The following SH3TC1 variants were observed in gnomAD, a reference collection of about 807,000 sequenced individuals.
SH3TC1 encodes SH3 domain and tetratricopeptide repeats 1.
In SH3TC1, 135 loss-of-function variants were observed where a neutral mutation model predicts 117.3. That is an observed-to-expected ratio of 1.15 (90% CI 1.00 to 1.33). SH3TC1 has a LOEUF of 1.33. SH3TC1 is among the 40% of genes most tolerant of loss of function. SH3TC1 has a pLI of 0.00. For synonymous variants in SH3TC1, 898 were observed against 816.9 expected (o/e 1.10, Z -1.69); for missense variants, 2,092 against 1,794.3 (o/e 1.17, Z -3.00).
rs1272736212 is a variant in SH3TC1 at position 8,206,608 on chromosome 4, C to A, written c.172+1242C>A. ...GGCATCGCCTCTCCCTGGAGTGAAT[C>A]TCTGTGGACCGAGCGGAGGGGAGCT... On this transcript the variant is annotated intron_variant, in intron 2 of 17. Coordinates refer to ENST00000245105, the MANE Select transcript of SH3TC1 (RefSeq NM_018986.5). This position sits in a 1 kb window ranked among gnomAD's most constrained non-coding sequence, Gnocchi z 5.5. 6.6e-6 allele frequency among the ~76,000 whole-genome samples: 1 copy of A among 152,050 alleles called. No individual in the cohort carries two copies. Among genetic ancestry groups the A allele is most frequent in the South Asian group, 2.1e-4 (1 of 4,824 alleles).
At chr4:8,236,185 G>T in intron 15 of SH3TC1, 93 bp from the exon 16 acceptor site, 2 of 1,407,284 alleles carry the variant, frequency 1.4e-6, no homozygotes, top group South Asian at 1.4e-5. Context: ...TAGCTGGGGC[G>T]TGGGAAGCTC....
In SH3TC1 at chr4:8,222,888, C is replaced by G; in HGVS notation, c.1161C>G (p.Ser387Arg). Reference protein sequence around the residue: ...FLNEEEKSFFSEGCFSEEDAR... With the variant: ...FLNEEEKSFFREGCFSEEDAR... ...ATGAGGAAGAAAAGTCATTCTTCAGCGAGGGCTGCTTTTCTGAGGAGGATG... is the reference window on the plus strand; with the variant it reads ...ATGAGGAAGAAAAGTCATTCTTCAGGGAGGGCTGCTTTTCTGAGGAGGATG... Residue 387 changes from serine to arginine, a missense_variant, in exon 10 of 18, where the codon AGC becomes AGG. Ser to Arg is a moderately radical substitution (Grantham distance 110). Coordinates refer to ENST00000245105, the MANE Select transcript of SH3TC1 (RefSeq NM_018986.5). 6.2e-7 allele frequency: 1 copy of G among 1,613,732 alleles called. No homozygotes were observed. Among genetic ancestry groups the G allele is most frequent in the Non-Finnish European group, 8.5e-7 (1 of 1,179,900 alleles).
intron 4 of SH3TC1, 65 bp downstream of exon 4, chr4:8,212,893 G>C: frequency 6.7e-7 from 1 of 1,488,502 alleles, no homozygotes; most frequent in South Asian, 1.4e-5. Context: ...AGGGGCTGAG[G>C]TGCAGTGTCT....
intron 1 of SH3TC1, among the ~76,000 whole-genome samples, chr4:8,193,407 C>T (rs1436946964): frequency 1.3e-5 from 2 of 152,194 alleles, no homozygotes; most frequent in Non-Finnish European, 2.9e-5. Flanking sequence ...GTGGGAGCCA[C>T]TTCACTGCCT....
At chr4:8,198,142 C>T (rs1247927201), upstream of SH3TC1, among the ~76,000 whole-genome samples, 2 of 152,140 alleles carry the variant, frequency 1.3e-5, no homozygotes, top group African/African-American at 2.4e-5. Flanking sequence ...CCCCAAATGT[C>T]GGTAGTGCCT....
At position 8,212,822 on chromosome 4, in the gene SH3TC1, G is replaced by T. The variant is rs1352103254; in HGVS notation, c.369G>T (p.Val123=). The change falls in exon 4 of 18, where the codon GTG becomes GTT. Residue 123 remains valine, a synonymous_variant. Transcript: ENST00000245105. The part of the protein sequence containing the change: ...LENDSREMAR[V]LGELSARLLS... ...ATGATAGCCGGGAGATGGCCCGCGTGCTTGGGGTGAGTAGCCCTCTGGGGC... is the reference window on the plus strand; with the variant it reads ...ATGATAGCCGGGAGATGGCCCGCGTTCTTGGGGTGAGTAGCCCTCTGGGGC... 3 of 1,580,430 alleles carry T rather than the reference G, an allele frequency of 1.9e-6. No individual in the cohort carries two copies. The highest frequency in any genetic ancestry group is 2.3e-5 in the East Asian group (1 of 43,610).
chr4:8,211,280 C>G (rs1718668634), intron 3 of SH3TC1, among the ~76,000 whole-genome samples: 1 of 51,270 alleles, frequency 2.0e-5, no homozygotes, highest in African/African-American at 8.3e-5. Flanking sequence ...CCCCCTCCCT[C>G]CTTCTCCCCC....
chr4:8,216,004 C>T (rs1038602605), intron 5 of SH3TC1, 107 bp from the exon 6 acceptor site: 2 of 1,381,482 alleles, frequency 1.4e-6, no homozygotes, highest in Admixed American at 2.2e-5. Flanking sequence ...CCATGGTCTC[C>T]CTGGACCTGG....
intron 17 of SH3TC1, among the ~76,000 whole-genome samples, chr4:8,239,205 A>G (rs1722091438): frequency 6.6e-6 from 1 of 152,170 alleles, no homozygotes; most frequent in Non-Finnish European, 1.5e-5. Flanking sequence ...TGCTGCACGC[A>G]CTACAGGCAC....
chr4:8,195,408 C>T (rs1463970956), upstream of SH3TC1, among the ~76,000 whole-genome samples: 3 of 152,186 alleles, frequency 2.0e-5, no homozygotes, highest in Non-Finnish European at 4.4e-5. Flanking sequence ...TCTGCAGCCT[C>T]CAGTTGGGCG....
At chr4:8,195,442 A>G (rs1272646809), upstream of SH3TC1, among the ~76,000 whole-genome samples, 2 of 152,160 alleles carry the variant, frequency 1.3e-5, no homozygotes, top group East Asian at 3.9e-4. Context: ...CCCAGCCCTG[A>G]AGGCTCAGGC....
intron 2 of SH3TC1, among the ~76,000 whole-genome samples, chr4:8,208,653 C>A (rs890830609): frequency 2.0e-5 from 3 of 152,222 alleles, no homozygotes; most frequent in African/African-American, 7.2e-5. Flanking sequence ...GCGCCCGGCC[C>A]ATTTGAGACA....
intron 15 of SH3TC1, 136 bp from the exon 16 acceptor site, chr4:8,236,142 C>A: frequency 8.7e-7 from 1 of 1,155,026 alleles, no homozygotes; most frequent in Non-Finnish European, 1.2e-6. Context: ...CGCCCTTTAT[C>A]TCAGAGCACA....
chr4:8,221,631 A>T (rs930424141), intron 9 of SH3TC1, among the ~76,000 whole-genome samples: 5 of 152,208 alleles, frequency 3.3e-5, no homozygotes, highest in Non-Finnish European at 5.9e-5. Context: ...GTAAGTTGCA[A>T]ACATGATGTT....
rs1196545397 is a variant in SH3TC1, at chr4:8,186,548, C to T, written c.-57+4338C>T. The stretch of plus-strand genomic sequence containing the variant: ...TTACGCAGGTGTGAGATGGTCATCA[C>T]GGGGGAGGCTGATGGGAGTTTATGC... On this transcript the variant is annotated intron_variant, in intron 1 of 16. Coordinates refer to the SH3TC1 transcript ENST00000508641. This position sits in a 1 kb window ranked among gnomAD's most constrained non-coding sequence, Gnocchi z 5.2. 3.9e-5 allele frequency among the ~76,000 whole-genome samples: 6 copies of T among 152,266 alleles called. No individual in the cohort carries two copies. In the South Asian group the frequency reaches 6.2e-4, roughly 16 times the overall value.
rs188495757 is a variant in SH3TC1 at position 8,216,756 on chromosome 4, C to G, written c.629-201C>G. Among the ~76,000 whole-genome samples the G allele has an allele frequency of 2.8e-3, 430 of 152,298 alleles. 3 individuals are homozygous for G. Among genetic ancestry groups the G allele is most frequent in the Non-Finnish European group, 2.8e-3 (190 of 68,012 alleles). On this transcript the variant is annotated intron_variant, in intron 6 of 17. Transcript: ENST00000245105. ...GGTCTGAGGCTGAGCCAGCCTCACA[C>G]ACCACATGGAGGCAGAGCTGGGACC...
At chr4:8,212,658 GC>G in intron 3 of SH3TC1, 42 bp from the exon 4 acceptor site, 1 of 1,612,036 alleles carries the variant, frequency 6.2e-7, no homozygotes, top group South Asian at 1.1e-5. Context: ...AGACTTCCCA[GC>G]CCAGGTCAGA....
chr4:8,192,271 C>T lies in SH3TC1; in HGVS notation c.-57+10061C>T, dbSNP rs1227433827. Reference sequence around the variant, plus strand: ...TCGGCCTCCCAAAGTGCTGGGATTACAGGCGTGAGCCACTGCGCCCGGCCC... The same window carrying T: ...TCGGCCTCCCAAAGTGCTGGGATTATAGGCGTGAGCCACTGCGCCCGGCCC... On this transcript the variant is annotated intron_variant, in intron 1 of 16. Coordinates refer to the SH3TC1 transcript ENST00000508641. This position sits in a 1 kb window ranked among gnomAD's most constrained non-coding sequence, Gnocchi z 4.1. 6.6e-6 allele frequency among the ~76,000 whole-genome samples: 1 copy of T among 151,976 alleles called. No homozygotes were observed. Among genetic ancestry groups the T allele is most frequent in the Admixed American group, 6.5e-5 (1 of 15,274 alleles).
Position 8,190,899 on chromosome 4 carries a change from C to A in SH3TC1, c.-57+8689C>A, listed in dbSNP as rs1324637068. Reference sequence around the variant, plus strand: ...TCAAGCGATCCTCCTGCCTCGGCCTCCTAAAGTGCTAGGATTACAGGCGTA... The same window carrying A: ...TCAAGCGATCCTCCTGCCTCGGCCTACTAAAGTGCTAGGATTACAGGCGTA... On this transcript the variant is annotated intron_variant, in intron 1 of 16. Coordinates refer to the SH3TC1 transcript ENST00000508641. The surrounding 1 kb of genome is among the most constrained non-coding windows in gnomAD (Gnocchi z 4.7). 1.3e-5 allele frequency among the ~76,000 whole-genome samples: 2 copies of A among 151,714 alleles called. No individual in the cohort carries two copies. Among genetic ancestry groups the A allele is most frequent in the African/African-American group, 4.8e-5 (2 of 41,370 alleles).
Sources: gnomAD v4.1 joint callset for allele counts (sites outside exome capture counted in the v4.1 genomes callset) on GRCh38, gnomAD v4.1.1 for gene constraint, Gnocchi (gnomAD v3.1) non-coding constraint, MANE v1.5 for transcripts, NCBI Gene and HGNC (gene_info 2026-07-23, HGNC 2026-07-21) for gene names.